RAPGEF4: variants seen among roughly 807,000 people sequenced by gnomAD.
RAPGEF4 encodes the protein Rap guanine nucleotide exchange factor 4.
A neutral mutation model predicts 147.9 loss-of-function variants in RAPGEF4; 66 were observed. The observed-to-expected ratio is 0.45, with a 90% CI of 0.37 to 0.55. RAPGEF4 has a LOEUF of 0.55. Ranked by LOEUF, RAPGEF4 falls within the 20% of genes least tolerant of loss-of-function variation. The pLI, the probability that RAPGEF4 is intolerant of heterozygous loss-of-function variation, is 0.00. For synonymous variants in RAPGEF4, 419 were observed against 442.7 expected, an observed-to-expected ratio of 0.95 and a Z score of 0.67; for missense variants, 1,071 against 1,257.3, an observed-to-expected ratio of 0.85 and a Z score of 2.24.
intron 29 of RAPGEF4, among the ~76,000 whole-genome samples, chr2:173,043,347 G>A (rs1159961597): frequency 5.9e-5 from 9 of 152,210 alleles, no homozygotes; most frequent in Non-Finnish European, 1.3e-4. Flanking sequence ...GATCAAAACT[G>A]TTGAGGGCAG....
At chr2:173,016,504 A>G (rs1446996568) in intron 19 of RAPGEF4, 67 bp downstream of exon 19, 2 of 1,329,148 alleles carry the variant, frequency 1.5e-6, no homozygotes, top group Non-Finnish European at 2.2e-6. Context: ...CTTTGCCCAC[A>G]AGAAAGGTTA....
At chr2:173,002,015 A>AAAAAAAAAAAAAAAAAAC (rs397986704) in intron 17 of RAPGEF4, among the ~76,000 whole-genome samples, 4 of 142,800 alleles carry the variant, frequency 2.8e-5, no homozygotes, top group Non-Finnish European at 4.6e-5. Flanking sequence ...AAAAAAAAAA[A>AAAAAAAAAAAAAAAAAAC]TCCATTGCCT....
intron 6 of RAPGEF4, among the ~76,000 whole-genome samples, chr2:172,936,226 G>A (rs1470011278): frequency 6.6e-6 from 1 of 152,024 alleles, no homozygotes; most frequent in African/African-American, 2.4e-5. Context: ...AAATTAGCCG[G>A]GCATGGCGTG....
intron 17 of RAPGEF4, among the ~76,000 whole-genome samples, chr2:173,013,010 TGA>T (rs1695168251): frequency 6.6e-6 from 1 of 152,272 alleles, no homozygotes; most frequent in Non-Finnish European, 1.5e-5. Flanking sequence ...CATTGTGAGC[TGA>T]GAGAGGATTG....
chr2:172,893,456 A>C (rs2149915358), intron 4 of RAPGEF4, among the ~76,000 whole-genome samples: 1 of 152,284 alleles, frequency 6.6e-6, no homozygotes, highest in Non-Finnish European at 1.5e-5. Context: ...ATTCCCCGTA[A>C]AGTTTGCACT....
At chr2:172,983,709 C>A in intron 11 of RAPGEF4, 129 bp downstream of exon 11, 1 of 1,430,586 alleles carries the variant, frequency 7.0e-7, no homozygotes, top group Non-Finnish European at 9.1e-7. Flanking sequence ...CACCTCTACT[C>A]TCTTACGAGA....
At chr2:172,938,451 T>C (rs79717701) in intron 6 of RAPGEF4, among the ~76,000 whole-genome samples, 8,265 of 152,252 alleles carry the variant, frequency 0.054, 283 homozygotes, top group Middle Eastern at 0.082. Context: ...TGGTTTAAAC[T>C]GTTTGCCTGG....
At chr2:172,964,401 A>ATTTTTTTTTTTTTTTTTTT (rs11374637) in intron 8 of RAPGEF4, among the ~76,000 whole-genome samples, 1 of 115,166 alleles carries the variant, frequency 8.7e-6, no homozygotes, top group Non-Finnish European at 1.7e-5. Context: ...TGCTCCTCCT[A>ATTTTTTTTTTTTTTTTTTT]TTTTTTTTTT....
intron 4 of RAPGEF4, among the ~76,000 whole-genome samples, chr2:172,817,294 A>G (rs908380835): frequency 1.3e-5 from 2 of 152,214 alleles, no homozygotes; most frequent in African/African-American, 4.8e-5. Context: ...ATATCATTAA[A>G]TAACTTTAGG....
chr2:172,851,783 C>T (rs151163931), intron 4 of RAPGEF4, among the ~76,000 whole-genome samples: 157 of 151,950 alleles, frequency 1.0e-3, no homozygotes, highest in African/African-American at 3.5e-3. Flanking sequence ...CAATAGACAC[C>T]AGGGCCTACT....
intron 26 of RAPGEF4, among the ~76,000 whole-genome samples, chr2:173,030,885 G>A (rs937781551): frequency 1.3e-5 from 2 of 152,190 alleles, no homozygotes; most frequent in Admixed American, 1.3e-4. Context: ...ATTCAAGCTA[G>A]AAAACATCTT....
At chr2:172,735,766 C>T (rs1223075936), upstream of RAPGEF4, 1 of 198,890 alleles carries the variant, frequency 5.0e-6, no homozygotes, top group Non-Finnish European at 9.8e-6. Context: ...CGACTCGGCC[C>T]TCCCCGCACC....
intron 17 of RAPGEF4, among the ~76,000 whole-genome samples, chr2:173,005,680 A>G (rs1378887866): frequency 2.0e-5 from 3 of 149,986 alleles, no homozygotes; most frequent in East Asian, 3.9e-4. Context: ...GCACCACCAC[A>G]CCCAGCTAAT....
intron 4 of RAPGEF4, among the ~76,000 whole-genome samples, chr2:172,901,589 A>G (rs975236955): frequency 1.3e-5 from 2 of 152,236 alleles, no homozygotes; most frequent in African/African-American, 2.4e-5. Context: ...ATGATGAAGT[A>G]GAGGAAATGG....
At chr2:173,047,107 C>T (rs1043687997) in intron 29 of RAPGEF4, among the ~76,000 whole-genome samples, 14 of 151,786 alleles carry the variant, frequency 9.2e-5, no homozygotes, top group Non-Finnish European at 1.5e-4. Flanking sequence ...TCTATTATCT[C>T]CACAGGACCC....
At chr2:173,040,725 T>G (rs777025635) in intron 29 of RAPGEF4, among the ~76,000 whole-genome samples, 2 of 152,244 alleles carry the variant, frequency 1.3e-5, no homozygotes, top group South Asian at 4.1e-4. Flanking sequence ...AATTTGTTGC[T>G]TATTGGTTTT....
intron 6 of RAPGEF4, among the ~76,000 whole-genome samples, chr2:172,955,259 G>A (rs1688610363): frequency 6.6e-6 from 1 of 152,150 alleles, no homozygotes; most frequent in African/African-American, 2.4e-5. Flanking sequence ...TTGTAATGGA[G>A]GCTAAATTCA....
At chr2:172,996,184 CA>C (rs1451025441) in intron 15 of RAPGEF4, among the ~76,000 whole-genome samples, 1 of 152,174 alleles carries the variant, frequency 6.6e-6, no homozygotes, top group African/African-American at 2.4e-5. Context: ...TGAAGTTTCT[CA>C]GTTCCCAGCC....
chr2:172,753,703 A>G (rs1695504129), intron 1 of RAPGEF4, among the ~76,000 whole-genome samples: 1 of 152,048 alleles, frequency 6.6e-6, no homozygotes, highest in Non-Finnish European at 1.5e-5. Flanking sequence ...GAAAAGGAAA[A>G]CTTTTTTTTT....
Sources: allele counts gnomAD v4.1 joint callset (sites outside exome capture counted in the v4.1 genomes callset), GRCh38; gene constraint gnomAD v4.1.1; transcripts MANE v1.5; gene names NCBI Gene and HGNC (gene_info 2026-07-23, HGNC 2026-07-21).